Variants in FSTL5 observed in about 807,000 individuals in gnomAD.
FSTL5 encodes the protein follistatin like 5.
FSTL5 carries 62 observed loss-of-function variants against 89.1 expected under a neutral mutation model. That is an observed-to-expected ratio of 0.70 (90% CI 0.57 to 0.86). FSTL5 has a LOEUF of 0.86. Among genes scored for constraint, FSTL5 ranks in the 40% least tolerant of loss-of-function variants. The probability of loss-of-function intolerance (pLI) is 0.00; values close to 1 mark genes in which losing one functional copy is unlikely to be tolerated. For missense variants in FSTL5, 1,057 were observed against 1,001.6 expected (o/e 1.06, Z -0.75); for synonymous variants, 383 against 346.2 (o/e 1.11, Z -1.18).
chr4:161,387,139 A>G (rs1340904071), intron 15 of FSTL5: 1 of 152,108 alleles, frequency 6.6e-6, no homozygotes, highest in Middle Eastern at 3.2e-3. Context: ...TATCAGAGAT[A>G]CCTGTGGCAA....
chr4:161,615,444 C>CAAAAAAAA (rs570217571), intron 7 of FSTL5, among the ~76,000 whole-genome samples: 1 of 87,440 alleles, frequency 1.1e-5, no homozygotes, highest in Non-Finnish European at 2.4e-5. Flanking sequence ...GACTCCATCT[C>CAAAAAAAA]AAAAAAAAAA....
chr4:162,042,376 A>C (rs940578168), intron 2 of FSTL5, among the ~76,000 whole-genome samples: 1 of 152,256 alleles, frequency 6.6e-6, no homozygotes, highest in South Asian at 2.1e-4. Context: ...ATGCAGTGTC[A>C]AATAGAGTCT....
At chr4:161,970,150 T>A (rs980039923) in intron 3 of FSTL5, among the ~76,000 whole-genome samples, 1 of 152,004 alleles carries the variant, frequency 6.6e-6, no homozygotes, top group African/African-American at 2.4e-5. Context: ...AAGAGTGAAA[T>A]TAAAGCCTTG....
chr4:161,881,985 G>T (rs1732649439), intron 4 of FSTL5, among the ~76,000 whole-genome samples: 1 of 152,120 alleles, frequency 6.6e-6, no homozygotes, highest in African/African-American at 2.4e-5. Context: ...ATCTCAAACT[G>T]CAATTTGAGG....
At chr4:161,992,901 TGTGTATATATA>T (rs1736166388) in intron 3 of FSTL5, among the ~76,000 whole-genome samples, 1 of 13,332 alleles carries the variant, frequency 7.5e-5, no homozygotes, top group Non-Finnish European at 2.1e-4. Context: ...TATATATGTG[TGTGTATATATA>T]TATATATATA....
chr4:162,106,470 G>A (rs1731229994), intron 2 of FSTL5, among the ~76,000 whole-genome samples: 2 of 152,092 alleles, frequency 1.3e-5, no homozygotes, highest in Non-Finnish European at 2.9e-5. Context: ...ACCCCAAAAG[G>A]ATTTAACCAG....
At chr4:161,786,143 T>C (rs1741896890) in intron 4 of FSTL5, among the ~76,000 whole-genome samples, 1 of 152,148 alleles carries the variant, frequency 6.6e-6, no homozygotes, top group South Asian at 2.1e-4. Context: ...ATACATCTAA[T>C]TTATTCTATA....
At chr4:161,654,957 C>T (rs774087676) in intron 7 of FSTL5, among the ~76,000 whole-genome samples, 6 of 152,064 alleles carry the variant, frequency 3.9e-5, no homozygotes, top group African/African-American at 9.7e-5. Flanking sequence ...GTTTTGGTTG[C>T]ACTTTTGAAG....
intron 8 of FSTL5, among the ~76,000 whole-genome samples, chr4:161,582,818 A>C (rs2126601661): frequency 6.6e-6 from 1 of 152,252 alleles, no homozygotes; most frequent in Non-Finnish European, 1.5e-5. Context: ...TCAGAGAAAT[A>C]TATTGTGCCA....
chr4:162,144,893 G>A (rs1376591258), intron 1 of FSTL5, among the ~76,000 whole-genome samples: 2 of 150,402 alleles, frequency 1.3e-5, no homozygotes, highest in Non-Finnish European at 3.0e-5. Context: ...AATTATTCCT[G>A]TAGGTGGTAA....
At chr4:161,885,731 G>A (rs1230055679) in intron 4 of FSTL5, among the ~76,000 whole-genome samples, 1 of 152,182 alleles carries the variant, frequency 6.6e-6, no homozygotes, top group African/African-American at 2.4e-5. Context: ...TTATAGGCGA[G>A]AGCCACTGTG....
At chr4:161,554,388 C>G (rs1170533939) in intron 8 of FSTL5, among the ~76,000 whole-genome samples, 1 of 151,390 alleles carries the variant, frequency 6.6e-6, no homozygotes, top group Non-Finnish European at 1.5e-5. Flanking sequence ...TAGAAAGATT[C>G]TAATGTGAAA....
chr4:161,547,626 C>T (rs971657274), intron 8 of FSTL5, among the ~76,000 whole-genome samples: 5 of 151,822 alleles, frequency 3.3e-5, no homozygotes, highest in Non-Finnish European at 5.9e-5. Context: ...TAATTATAGA[C>T]ATTCAAAAAA....
intron 2 of FSTL5, among the ~76,000 whole-genome samples, chr4:162,034,360 C>A (rs772866162): frequency 1.3e-5 from 2 of 152,030 alleles, no homozygotes; most frequent in African/African-American, 2.4e-5. Context: ...GCACAAACAT[C>A]GGGGAGAATT....
At chr4:161,458,462 G>T (rs1165893331) in intron 14 of FSTL5, among the ~76,000 whole-genome samples, 1 of 151,938 alleles carries the variant, frequency 6.6e-6, no homozygotes, top group Non-Finnish European at 1.5e-5. Flanking sequence ...TAAAAGTCTT[G>T]GTAGTGACAA....
intron 5 of FSTL5, among the ~76,000 whole-genome samples, chr4:161,773,579 C>G (rs1040368952): frequency 4.6e-5 from 7 of 152,034 alleles, no homozygotes; most frequent in Non-Finnish European, 2.9e-5. Context: ...AAATGGCCAA[C>G]AAACATGAAA....
intron 4 of FSTL5, among the ~76,000 whole-genome samples, chr4:161,865,648 T>C (rs1400953256): frequency 6.6e-6 from 1 of 152,156 alleles, no homozygotes; most frequent in Non-Finnish European, 1.5e-5. Context: ...ACAGGATATT[T>C]CCATAACCTT....
In FSTL5 at chr4:162,089,647, AAAAG is replaced by A. The variant is rs572973418; in HGVS notation, c.126+21620_126+21623del. On this transcript the variant is annotated intron_variant, in intron 2 of 15. Coordinates refer to ENST00000306100, the MANE Select transcript of FSTL5 (RefSeq NM_020116.5). ...GAATCTGTCTCAAAAAAAAAAAAAAAAAAGAAAAAAAAGAAAGAAAGAAATTGGG... is the reference window on the plus strand; with the variant it reads ...GAATCTGTCTCAAAAAAAAAAAAAAAAAAAAAAAGAAAGAAAGAAATTGGG... Among the ~76,000 whole-genome samples, 102 of 125,526 alleles carry A rather than the reference AAAAG, an allele frequency of 8.1e-4. 4 individuals are homozygous for A. The highest frequency in any genetic ancestry group is 7.7e-3 in the Middle Eastern group (2 of 260). 82.3% of individuals were successfully genotyped at this position (125,526 alleles called of 152,430 possible).
At chr4:161,634,383 A>G (rs1175454373) in intron 7 of FSTL5, among the ~76,000 whole-genome samples, 1 of 152,194 alleles carries the variant, frequency 6.6e-6, no homozygotes, top group African/African-American at 2.4e-5. Context: ...CAACCTCACT[A>G]CTGAATTTGT....
Sources: gnomAD v4.1 joint callset for allele counts (sites outside exome capture counted in the v4.1 genomes callset) on GRCh38, gnomAD v4.1.1 for gene constraint, MANE v1.5 for transcripts, NCBI Gene and HGNC (gene_info 2026-07-23, HGNC 2026-07-21) for gene names.